The following NUBPL variants were observed in gnomAD, a reference collection of about 807,000 sequenced individuals.
The protein encoded by NUBPL is iron-sulfur cluster transfer protein NUBPL.
NUBPL carries 31 observed loss-of-function variants against 45.7 expected under a neutral mutation model. The ratio of observed to expected loss-of-function variants is 0.68; its 90% CI spans 0.51 to 0.92. The LOEUF (loss-of-function observed/expected upper bound fraction) is 0.92. Ranked by LOEUF, NUBPL falls within the 40% of genes least tolerant of loss-of-function variation. The pLI, the probability that NUBPL is intolerant of heterozygous loss-of-function variation, is 0.00. For missense variants in NUBPL, 401 were observed against 398.7 expected, an observed-to-expected ratio of 1.01 and a Z score of -0.05; for synonymous variants, 144 against 140.9, an observed-to-expected ratio of 1.02 and a Z score of -0.15.
intron 3 of NUBPL, among the ~76,000 whole-genome samples, chr14:31,590,442 G>A (rs940118606): frequency 6.6e-6 from 1 of 152,066 alleles, no homozygotes; most frequent in African/African-American, 2.4e-5. Flanking sequence ...CAGAGCATAT[G>A]GAACTGTGGG....
rs150730043 is a variant in NUBPL at position 31,681,845 on chromosome 14, A to C, written c.513+8271A>C. ...CATTGGAAGATCTTCTTAATAACTT[A>C]ATGGCATTGATTTCTAGTGTAATTT... On this transcript the variant is annotated intron_variant, in intron 6 of 10. Transcript: ENST00000281081. 1.4e-4 allele frequency among the ~76,000 whole-genome samples: 21 copies of C among 152,208 alleles called. No individual in the cohort carries two copies. The East Asian group carries it at 4.1e-3, about 29-fold the overall frequency.
In NUBPL at chr14:31,743,073, G is replaced by C. The variant is rs755514797; in HGVS notation, c.514-44707G>C. 8.6e-5 allele frequency among the ~76,000 whole-genome samples: 13 copies of C among 152,022 alleles called. No individual in the cohort carries two copies. The South Asian group carries it at 1.0e-3, about 12-fold the overall frequency. On this transcript the variant is annotated intron_variant, in intron 6 of 10. Transcript: ENST00000281081. ...TAGCTTTCTTACTACCTTACTTATA[G>C]GGAGCTGGGTCTCTAACCTCAGTGA...
intron 4 of NUBPL, among the ~76,000 whole-genome samples, chr14:31,662,620 C>T (rs2036301171): frequency 6.6e-6 from 1 of 152,110 alleles, no homozygotes; most frequent in Non-Finnish European, 1.5e-5. Flanking sequence ...TGGTTTCCAG[C>T]TTTATCCATG....
intron 6 of NUBPL, among the ~76,000 whole-genome samples, chr14:31,752,326 A>G (rs2038550150): frequency 6.6e-6 from 1 of 152,178 alleles, no homozygotes; most frequent in South Asian, 2.1e-4. Flanking sequence ...GTGAACACAT[A>G]TGACTATATA....
chr14:31,688,646 G>GTTTT lies in NUBPL; in HGVS notation c.513+15074_513+15077dup, dbSNP rs1324079141. 3.8e-3 allele frequency among the ~76,000 whole-genome samples: 383 copies of GTTTT among 100,508 alleles called. 3 individuals are homozygous for GTTTT. The highest frequency in any genetic ancestry group is 0.026 in the African/African-American group (356 of 13,668). 65.9% of individuals were successfully genotyped at this position (100,508 alleles called of 152,430 possible). On this transcript the variant is annotated intron_variant, in intron 6 of 10. Coordinates refer to ENST00000281081, the MANE Select transcript of NUBPL (RefSeq NM_025152.3). ...GGAGAAAGGCTATCTGCCTGAACAGGTTTTTGTTGTTGTTTTTTTTTTTTT... is the reference window on the plus strand; with the variant it reads ...GGAGAAAGGCTATCTGCCTGAACAGGTTTTTTTTTGTTGTTGTTTTTTTTTTTTT...
intron 7 of NUBPL, among the ~76,000 whole-genome samples, chr14:31,801,364 A>G (rs1057045445): frequency 6.6e-6 from 1 of 152,152 alleles, no homozygotes; most frequent in African/African-American, 2.4e-5. Flanking sequence ...GCACAGAGGG[A>G]GACTACAGCA....
chr14:31,846,442 A>AT (rs747136104), intron 8 of NUBPL, 29 bp from the exon 9 acceptor site: 1 of 1,581,660 alleles, frequency 6.3e-7, no homozygotes, highest in Non-Finnish European at 8.6e-7. Flanking sequence ...GTTTAATTTT[A>AT]TTTTGATTTC....
intron 6 of NUBPL, among the ~76,000 whole-genome samples, chr14:31,725,159 G>A (rs1036911284): frequency 1.3e-5 from 2 of 152,096 alleles, no homozygotes; most frequent in Non-Finnish European, 2.9e-5. Context: ...ATTGAACTGA[G>A]TGGGATTGAA....
chr14:31,663,362 A>C (rs1378160075), intron 4 of NUBPL, among the ~76,000 whole-genome samples: 1 of 152,090 alleles, frequency 6.6e-6, no homozygotes, highest in African/African-American at 2.4e-5. Context: ...TAGGGCTTTT[A>C]TGGTTTTAGG....
chr14:31,665,076 T>A (rs564896329), intron 4 of NUBPL, among the ~76,000 whole-genome samples: 45 of 152,338 alleles, frequency 3.0e-4, no homozygotes, highest in Non-Finnish European at 4.7e-4. Flanking sequence ...GATATCCCTT[T>A]CATCATTTTT....
At chr14:31,726,900 C>T (rs976669891) in intron 6 of NUBPL, among the ~76,000 whole-genome samples, 2 of 151,946 alleles carry the variant, frequency 1.3e-5, no homozygotes, top group African/African-American at 2.4e-5. Flanking sequence ...CTGTCCTGTA[C>T]ATTGTAGGAT....
At chr14:31,744,946 A>G (rs2038364075) in intron 6 of NUBPL, among the ~76,000 whole-genome samples, 2 of 152,206 alleles carry the variant, frequency 1.3e-5, no homozygotes, top group East Asian at 1.9e-4. Flanking sequence ...TTTAAAAAAA[A>G]TCTTCAGACA....
At chr14:31,780,244 T>G (rs1162218471) in intron 6 of NUBPL, among the ~76,000 whole-genome samples, 1 of 151,318 alleles carries the variant, frequency 6.6e-6, no homozygotes, top group Non-Finnish European at 1.5e-5. Flanking sequence ...TTGTATTTTT[T>G]TTTTTAGTAG....
chr14:31,792,228 T>A (rs761484625), intron 7 of NUBPL, among the ~76,000 whole-genome samples: 19 of 152,172 alleles, frequency 1.2e-4, no homozygotes, highest in Non-Finnish European at 1.9e-4. Flanking sequence ...ATCTAGGTAA[T>A]CCCTGATAAA....
intron 4 of NUBPL, among the ~76,000 whole-genome samples, chr14:31,622,397 G>A (rs1336498647): frequency 6.6e-6 from 1 of 152,110 alleles, no homozygotes; most frequent in Non-Finnish European, 1.5e-5. Context: ...CAAGCTGGCT[G>A]CAGAAATTTG....
intron 6 of NUBPL, among the ~76,000 whole-genome samples, chr14:31,699,925 A>T (rs1233224019): frequency 1.3e-5 from 2 of 152,222 alleles, no homozygotes; most frequent in Non-Finnish European, 2.9e-5. Flanking sequence ...TAGATTTTAA[A>T]TGTTCTTACC....
chr14:31,634,185 C>T (rs2035421795), intron 4 of NUBPL, among the ~76,000 whole-genome samples: 1 of 150,008 alleles, frequency 6.7e-6, no homozygotes, highest in South Asian at 2.1e-4. Flanking sequence ...TTTGCTGCAC[C>T]CATTAACTCG....
At chr14:31,601,644 A>G in intron 4 of NUBPL, among the ~76,000 whole-genome samples, 1 of 152,238 alleles carries the variant, frequency 6.6e-6, no homozygotes, top group East Asian at 1.9e-4. Context: ...AAAACTGCTC[A>G]CCATCACTGG....
chr14:31,667,287 A>C (rs543366637), intron 4 of NUBPL, among the ~76,000 whole-genome samples: 19 of 151,820 alleles, frequency 1.3e-4, no homozygotes, highest in African/African-American at 4.3e-4. Context: ...TTCAAGCTTT[A>C]TTTCATTAAG....
Sources: allele counts gnomAD v4.1 joint callset (sites outside exome capture counted in the v4.1 genomes callset), GRCh38; gene constraint gnomAD v4.1.1; transcripts MANE v1.5; gene names NCBI Gene and HGNC (gene_info 2026-07-23, HGNC 2026-07-21).